Variants in LRRC2 observed in about 807,000 individuals in gnomAD.
LRRC2 encodes leucine rich repeat containing 2, also known as leucine-rich repeat-containing protein 2.
Under a neutral mutation model 40.2 loss-of-function variants are expected in LRRC2, and 27 were observed. The ratio of observed to expected loss-of-function variants is 0.67; its 90% CI spans 0.49 to 0.93. The LOEUF (loss-of-function observed/expected upper bound fraction) is 0.93. Among genes scored for constraint, LRRC2 ranks in the 40% least tolerant of loss-of-function variants. The probability of loss-of-function intolerance (pLI) is 0.00; values close to 1 mark genes in which losing one functional copy is unlikely to be tolerated. For missense variants in LRRC2, 402 were observed against 439.6 expected, an observed-to-expected ratio of 0.91 and a Z score of 0.76; for synonymous variants, 147 against 158.9, an observed-to-expected ratio of 0.92 and a Z score of 0.56.
chr3:46,563,131 C>A (rs2107065487), intron 1 of LRRC2, among the ~76,000 whole-genome samples: 1 of 152,254 alleles, frequency 6.6e-6, no homozygotes, highest in South Asian at 2.1e-4. Context: ...TCCACACCTC[C>A]AGTTATCACC....
chr3:46,552,285 G>A (rs1219410169), intron 1 of LRRC2, among the ~76,000 whole-genome samples: 5 of 151,532 alleles, frequency 3.3e-5, no homozygotes, highest in East Asian at 1.9e-4. Flanking sequence ...CACAGGGCAC[G>A]GGCATGCACA....
chr3:46,528,403 T>C (rs1704096745), intron 6 of LRRC2, among the ~76,000 whole-genome samples: 1 of 152,128 alleles, frequency 6.6e-6, no homozygotes, highest in Non-Finnish European at 1.5e-5. Flanking sequence ...AGTGCTAGTA[T>C]TACAGGCAAG....
At chr3:46,521,220 C>T (rs1438144311) in intron 8 of LRRC2, among the ~76,000 whole-genome samples, 2 of 152,072 alleles carry the variant, frequency 1.3e-5, no homozygotes, top group East Asian at 3.8e-4. Context: ...TTGTCAATAT[C>T]GTTTAGTTAA....
intron 1 of LRRC2, among the ~76,000 whole-genome samples, chr3:46,556,251 C>T (rs1704790622): frequency 6.6e-6 from 1 of 152,032 alleles, no homozygotes; most frequent in Non-Finnish European, 1.5e-5. Context: ...TCTCAAGTAG[C>T]TGGAAACACA....
At chr3:46,561,509 C>G (rs12185926) in intron 1 of LRRC2, among the ~76,000 whole-genome samples, 38,117 of 151,962 alleles carry the variant, frequency 0.25, 5,843 homozygotes, top group Non-Finnish European at 0.33. Flanking sequence ...GCTGAGATTG[C>G]ATCAGTGCAC....
intron 2 of LRRC2, among the ~76,000 whole-genome samples, chr3:46,546,250 T>C (rs1704523017): frequency 6.6e-6 from 1 of 152,212 alleles, no homozygotes; most frequent in Non-Finnish European, 1.5e-5. Context: ...GGAACAATCC[T>C]AGTATGGAAA....
chr3:46,525,057 T>C (rs935381654), intron 7 of LRRC2, among the ~76,000 whole-genome samples: 2 of 151,682 alleles, frequency 1.3e-5, no homozygotes, highest in African/African-American at 4.8e-5. Context: ...AGGTCACCCC[T>C]TCTAAATGTA....
chr3:46,552,510 C>T (rs954109514), intron 1 of LRRC2, among the ~76,000 whole-genome samples: 5 of 152,080 alleles, frequency 3.3e-5, no homozygotes, highest in Admixed American at 6.6e-5. Flanking sequence ...ACATGAGGCA[C>T]GTAACAGCGA....
chr3:46,544,827 T>C (rs1455567628), intron 3 of LRRC2, among the ~76,000 whole-genome samples: 3 of 152,228 alleles, frequency 2.0e-5, no homozygotes, highest in Non-Finnish European at 4.4e-5. Flanking sequence ...CCTGAAAGAC[T>C]GTGCTGCCCA....
intron 1 of LRRC2, among the ~76,000 whole-genome samples, chr3:46,563,049 T>G (rs1044589043): frequency 4.6e-5 from 7 of 152,048 alleles, no homozygotes; most frequent in Non-Finnish European, 1.0e-4. Context: ...TTTGCTTCGT[T>G]TCCTCACTCT....
At chr3:46,534,412 TTTCC>T (rs139468846) in intron 4 of LRRC2, among the ~76,000 whole-genome samples, 36,925 of 143,242 alleles carry the variant, frequency 0.26, 5,565 homozygotes, top group East Asian at 0.4. Flanking sequence ...TTTCTTTTCT[TTTCC>T]TTCCTTCCTT....
At chr3:46,543,656 T>TAATAATAATAAA (rs1559415727) in intron 3 of LRRC2, among the ~76,000 whole-genome samples, 1 of 102,342 alleles carries the variant, frequency 9.8e-6, no homozygotes, top group South Asian at 3.4e-4. Flanking sequence ...TAATAAATAA[T>TAATAATAATAAA]AAATACCCTT....
At chr3:46,554,890 C>A (rs1165807288) in intron 1 of LRRC2, among the ~76,000 whole-genome samples, 2 of 152,176 alleles carry the variant, frequency 1.3e-5, no homozygotes, top group Non-Finnish European at 2.9e-5. Context: ...CTCTCCACAT[C>A]CTCACCAACA....
At chr3:46,533,255 C>A (rs1274025550) in intron 4 of LRRC2, among the ~76,000 whole-genome samples, 1 of 152,142 alleles carries the variant, frequency 6.6e-6, no homozygotes, top group East Asian at 1.9e-4. Context: ...TGAAATGAAG[C>A]TGCCTACCTA....
intron 1 of LRRC2, among the ~76,000 whole-genome samples, chr3:46,559,988 G>T: frequency 6.6e-6 from 1 of 152,302 alleles, no homozygotes; most frequent in East Asian, 1.9e-4. Flanking sequence ...AACAGTAGGT[G>T]ATGACCACAT....
intron 6 of LRRC2, among the ~76,000 whole-genome samples, chr3:46,529,199 T>C: frequency 6.6e-6 from 1 of 152,296 alleles, no homozygotes. Flanking sequence ...TCTCTAGGCT[T>C]GCCATACAGG....
At chr3:46,545,327 C>T (rs1704502774) in intron 2 of LRRC2, 74 bp from the exon 3 acceptor site, 7 of 1,312,734 alleles carry the variant, frequency 5.3e-6, no homozygotes, top group Non-Finnish European at 7.5e-6. Context: ...GTGAGTCAGC[C>T]ACCTGGGCAT....
intron 3 of LRRC2, among the ~76,000 whole-genome samples, chr3:46,539,629 A>G (rs564270767): frequency 6.6e-6 from 1 of 152,314 alleles, no homozygotes; most frequent in South Asian, 2.1e-4. Context: ...TTGCTGTACC[A>G]CATTTCCAAA....
chr3:46,549,892 T>C (rs987633700), intron 2 of LRRC2, among the ~76,000 whole-genome samples: 3 of 152,264 alleles, frequency 2.0e-5, no homozygotes, highest in African/African-American at 7.2e-5. Flanking sequence ...AAAGCAGGGC[T>C]GAGAGCTACT....
Sources: gnomAD v4.1 joint callset for allele counts (sites outside exome capture counted in the v4.1 genomes callset) on GRCh38, gnomAD v4.1.1 for gene constraint, MANE v1.5 for transcripts, NCBI Gene and HGNC (gene_info 2026-07-23, HGNC 2026-07-21) for gene names.